Variants in UNC13B observed in about 807,000 individuals in gnomAD.
UNC13B encodes the protein protein unc-13 homolog B.
In UNC13B, 144 loss-of-function variants were observed where a neutral mutation model predicts 211.0. The ratio of observed to expected loss-of-function variants is 0.68; its 90% CI spans 0.60 to 0.78. The LOEUF (loss-of-function observed/expected upper bound fraction) is 0.78. Ranked by LOEUF, UNC13B falls within the 30% of genes least tolerant of loss-of-function variation. UNC13B has a pLI of 0.00. For synonymous variants in UNC13B, 709 were observed against 725.8 expected (o/e 0.98, Z 0.37); for missense variants, 1,777 against 2,002.0 (o/e 0.89, Z 2.14).
rs142173725 is a variant in UNC13B, at chr9:35,306,861, C to T, written c.7457C>T (p.Pro2486Leu). Reference protein sequence around the residue: ...PKTLSGLFSSPKSPKKNSFFS... With the variant: ...PKTLSGLFSSLKSPKKNSFFS... ...ACACTCTCTGGACTTTTCTCCTCTCCTAAATCTCCAAAGAAAAACTCCTTT... is the reference window on the plus strand; with the variant it reads ...ACACTCTCTGGACTTTTCTCCTCTCTTAAATCTCCAAAGAAAAACTCCTTT... The change falls in exon 9 of 40, where the codon CCT (proline) becomes CTT (leucine). Residue 2486 changes from proline to leucine, a missense_variant. Coordinates refer to ENST00000635942, the MANE Select transcript of UNC13B (RefSeq NM_001371189.2). 1.3e-5 allele frequency: 5 copies of T among 399,050 alleles called. No individual in the cohort carries two copies. The Admixed American group carries it at 1.8e-4, about 14-fold the overall frequency. The allele number at this position is 399,050 out of a possible 1,614,324, so 24.7% of individuals were successfully genotyped here. A position where few individuals can be genotyped will look rare whatever the true frequency, so the allele number is the denominator to read the frequency against.
At chr9:35,388,145 A>G (rs767989459) in intron 24 of UNC13B, among the ~76,000 whole-genome samples, 1 of 152,182 alleles carries the variant, frequency 6.6e-6, no homozygotes, top group Non-Finnish European at 1.5e-5. Context: ...CAATGGCTCA[A>G]GCCTGTAATC....
intron 3 of UNC13B, among the ~76,000 whole-genome samples, chr9:35,232,177 C>CTTTTTTTT (rs547048403): frequency 0.02 from 621 of 31,508 alleles, 208 homozygotes; most frequent in Non-Finnish European, 0.023. Context: ...TATATTGCTG[C>CTTTTTTTT]TTTTTTTTTT....
In UNC13B at chr9:35,396,976, G is replaced by A. The variant is rs1469502390; in HGVS notation, c.11532+39G>A. The A allele has an allele frequency of 6.8e-6, 11 of 1,612,078 alleles. No homozygotes were observed. The Admixed American group carries it at 8.3e-5, about 12-fold the overall frequency. On this transcript the variant is annotated intron_variant, in intron 28 of 39. Coordinates refer to ENST00000635942, the MANE Select transcript of UNC13B (RefSeq NM_001371189.2). The stretch of plus-strand genomic sequence containing the variant: ...TTTGGCTGCACCGGGTTCAGGCCAG[G>A]TCTCCCAGCAATTAGCTATTGGCAG...
intron 1 of UNC13B, among the ~76,000 whole-genome samples, chr9:35,221,520 T>A (rs1824563407): frequency 1.3e-5 from 2 of 152,360 alleles, no homozygotes; most frequent in Non-Finnish European, 1.5e-5. Context: ...TTACTTTTTC[T>A]CATTCTGTCG....
intron 1 of UNC13B, among the ~76,000 whole-genome samples, chr9:35,204,671 T>C (rs1823539180): frequency 6.6e-6 from 1 of 152,226 alleles, no homozygotes; most frequent in Admixed American, 6.5e-5. Flanking sequence ...CCCTTTCTTT[T>C]GCCCAATTTC....
At chr9:35,237,353 G>C (rs1477635052) in intron 4 of UNC13B, among the ~76,000 whole-genome samples, 1 of 152,154 alleles carries the variant, frequency 6.6e-6, no homozygotes, top group Non-Finnish European at 1.5e-5. Context: ...TATTTAGCCA[G>C]CAATGTTAGT....
intron 1 of UNC13B, among the ~76,000 whole-genome samples, chr9:35,165,431 T>A (rs12377190): frequency 3.4e-4 from 47 of 139,964 alleles, no homozygotes; most frequent in African/African-American, 9.9e-4. Context: ...TTTTTTTTTT[T>A]AATTTTTTGA....
intron 7 of UNC13B, among the ~76,000 whole-genome samples, chr9:35,281,154 G>A (rs540621176): frequency 1.3e-5 from 2 of 152,020 alleles, no homozygotes; most frequent in East Asian, 3.9e-4. Context: ...GGAGGCTGAG[G>A]CAGGGGAATT....
intron 1 of UNC13B, among the ~76,000 whole-genome samples, chr9:35,217,685 G>A (rs989976251): frequency 2.0e-5 from 3 of 152,080 alleles, no homozygotes; most frequent in African/African-American, 7.2e-5. Flanking sequence ...CACTGTGCCC[G>A]GCGCCTACTA....
intron 29 of UNC13B, 150 bp downstream of exon 29, chr9:35,397,460 TG>T: frequency 7.3e-7 from 1 of 1,364,452 alleles, no homozygotes. Context: ...GGCAGACAGA[TG>T]GTTCTGTCTT....
In UNC13B at chr9:35,259,057, G is replaced by T; in HGVS notation, c.526+7G>T. The stretch of plus-strand genomic sequence containing the variant: ...ACTGCTGCCGCCCAGTGTTGTAAGT[G>T]AGAAACTTGTCTATGAATCTCTTTT... On this transcript the variant is annotated splice_region_variant and intron_variant, in intron 7 of 39. Transcript: ENST00000635942. 1 of 1,613,670 alleles carries T rather than the reference G, an allele frequency of 6.2e-7. No individual in the cohort carries two copies. Among genetic ancestry groups the T allele is most frequent in the Non-Finnish European group, 8.5e-7 (1 of 1,179,800 alleles).
At chr9:35,254,952 A>G (rs991050675) in intron 6 of UNC13B, among the ~76,000 whole-genome samples, 1,191 of 116,238 alleles carry the variant, frequency 0.01, 10 homozygotes, top group Middle Eastern at 0.015. Flanking sequence ...ATATATGTAT[A>G]TAATATAATA....
At chr9:35,201,409 G>A (rs1050678606) in intron 1 of UNC13B, among the ~76,000 whole-genome samples, 1 of 152,206 alleles carries the variant, frequency 6.6e-6, no homozygotes, top group Non-Finnish European at 1.5e-5. Context: ...CAGAAGGAAT[G>A]GTACCAGCTT....
intron 26 of UNC13B, among the ~76,000 whole-genome samples, chr9:35,394,310 T>C (rs1238348028): frequency 1.3e-5 from 2 of 152,100 alleles, no homozygotes; most frequent in African/African-American, 4.8e-5. Flanking sequence ...CCGAAGCTTA[T>C]ATAGGCCAGG....
chr9:35,399,568 A>G, intron 35 of UNC13B, 81 bp from the exon 36 acceptor site: 2 of 1,598,200 alleles, frequency 1.3e-6, no homozygotes, highest in Middle Eastern at 1.7e-4. Flanking sequence ...GGAGATGAAT[A>G]TGCACTGGGG....
chr9:35,349,933 G>A (rs1258742052), intron 11 of UNC13B, among the ~76,000 whole-genome samples: 4 of 152,182 alleles, frequency 2.6e-5, no homozygotes, highest in African/African-American at 9.7e-5. Context: ...ATTAACTTGA[G>A]TACTGGGAAA....
intron 6 of UNC13B, among the ~76,000 whole-genome samples, chr9:35,246,965 T>C (rs531421477): frequency 3.3e-4 from 51 of 152,356 alleles, no homozygotes; most frequent in African/African-American, 1.2e-3. Context: ...TTTCATGATA[T>C]TGATTCTTCC....
chr9:35,276,226 A>G (rs1828166717), intron 7 of UNC13B, among the ~76,000 whole-genome samples: 3 of 151,192 alleles, frequency 2.0e-5, no homozygotes, highest in Admixed American at 2.0e-4. Context: ...GGATCACTTC[A>G]GCCCAGGAAG....
At chr9:35,182,066 A>G (rs1190703173) in intron 1 of UNC13B, among the ~76,000 whole-genome samples, 1 of 152,168 alleles carries the variant, frequency 6.6e-6, no homozygotes, top group Non-Finnish European at 1.5e-5. Context: ...GAGTGATTAT[A>G]GGATTACCAG....
Sources: allele counts gnomAD v4.1 joint callset (sites outside exome capture counted in the v4.1 genomes callset), GRCh38; gene constraint gnomAD v4.1.1; transcripts MANE v1.5; gene names NCBI Gene and HGNC (gene_info 2026-07-23, HGNC 2026-07-21).